Variants in HDAC9 observed in about 807,000 individuals in gnomAD.
The protein encoded by HDAC9 is histone deacetylase 9.
HDAC9 carries 41 observed loss-of-function variants against 139.4 expected under a neutral mutation model. That is an observed-to-expected ratio of 0.29 (90% CI 0.23 to 0.38). HDAC9 has a LOEUF of 0.38. Among genes scored for constraint, HDAC9 ranks in the 10% least tolerant of loss-of-function variants. The probability of loss-of-function intolerance (pLI) is 1.00; values close to 1 mark genes in which losing one functional copy is unlikely to be tolerated. For missense variants in HDAC9, 1,147 were observed against 1,297.0 expected (o/e 0.88, Z 1.78); for synonymous variants, 517 against 476.2 (o/e 1.09, Z -1.12).
At chr7:18,901,207 CATAT>C (rs3085465) in intron 22 of HDAC9, among the ~76,000 whole-genome samples, 69 of 138,858 alleles carry the variant, frequency 5.0e-4, no homozygotes, top group African/African-American at 1.6e-3. Context: ...ACTATATATA[CATAT>C]ATATATATAT....
chr7:18,910,187 C>A (rs529341896), intron 22 of HDAC9, among the ~76,000 whole-genome samples: 60 of 151,992 alleles, frequency 3.9e-4, no homozygotes, highest in Non-Finnish European at 7.4e-4. Context: ...TCATCCAATT[C>A]ATAAACATGG....
At chr7:18,935,739 C>A in intron 22 of HDAC9, 70 bp from the exon 23 acceptor site, 1 of 1,396,454 alleles carries the variant, frequency 7.2e-7, no homozygotes, top group South Asian at 1.2e-5. Flanking sequence ...AATACATGCT[C>A]AATGTTAGAT....
At position 18,238,222 on chromosome 7, in the gene HDAC9, C is replaced by A. The variant is rs534061656; in HGVS notation, c.25+75873C>A. 2.6e-5 allele frequency among the ~76,000 whole-genome samples: 4 copies of A among 152,318 alleles called. No individual in the cohort carries two copies. In the South Asian group the frequency reaches 8.3e-4, roughly 32 times the overall value. On this transcript the variant is annotated intron_variant, in intron 2 of 12. Coordinates refer to the HDAC9 transcript ENST00000417496. Reference sequence around the variant, plus strand: ...TAGTGTGATCCCTTGATTTCTACAGCATTTATAATTTGCAAGGCATTTTAT... The same window carrying A: ...TAGTGTGATCCCTTGATTTCTACAGAATTTATAATTTGCAAGGCATTTTAT...
intron 1 of HDAC9, among the ~76,000 whole-genome samples, chr7:18,120,642 T>C (rs1392068084): frequency 6.6e-6 from 1 of 152,154 alleles, no homozygotes; most frequent in Non-Finnish European, 1.5e-5. Context: ...TTTGGAGATT[T>C]TCAAAAAGTT....
At chr7:18,936,206 C>T (rs542299653) in intron 23 of HDAC9, among the ~76,000 whole-genome samples, 1 of 152,202 alleles carries the variant, frequency 6.6e-6, no homozygotes, top group Middle Eastern at 3.4e-3. Flanking sequence ...CTGACCCAAC[C>T]AATGAGTACG....
intron 15 of HDAC9, among the ~76,000 whole-genome samples, chr7:18,765,276 T>G (rs1451242807): frequency 6.6e-6 from 1 of 152,192 alleles, no homozygotes. Context: ...AGTAGGATAC[T>G]TATTTTGCTA....
chr7:18,989,552 G>T (rs958746030), intron 25 of HDAC9, among the ~76,000 whole-genome samples: 23 of 150,180 alleles, frequency 1.5e-4, no homozygotes, highest in African/African-American at 5.4e-4. Context: ...TCTTCTTGAG[G>T]AGTATCTTTG....
At chr7:18,890,394 G>A (rs1165757513) in intron 22 of HDAC9, among the ~76,000 whole-genome samples, 14 of 152,124 alleles carry the variant, frequency 9.2e-5, no homozygotes, top group Non-Finnish European at 5.9e-5. Flanking sequence ...TACAATACAC[G>A]AGTCATAGAG....
intron 2 of HDAC9, among the ~76,000 whole-genome samples, chr7:18,229,135 C>A (rs1303413470): frequency 6.6e-6 from 1 of 152,172 alleles, no homozygotes; most frequent in Non-Finnish European, 1.5e-5. Context: ...TCACTTCTAA[C>A]CTCATACATA....
At chr7:18,991,433 C>G (rs766529024) in intron 25 of HDAC9, among the ~76,000 whole-genome samples, 1 of 152,120 alleles carries the variant, frequency 6.6e-6, no homozygotes, top group African/African-American at 2.4e-5. Context: ...GAGGTCAGAT[C>G]AAGACCATCC....
chr7:18,846,171 A>G (rs959400184), intron 21 of HDAC9, among the ~76,000 whole-genome samples: 3 of 152,160 alleles, frequency 2.0e-5, no homozygotes, highest in East Asian at 1.9e-4. Flanking sequence ...TTAATTCTCA[A>G]TGTTCTTCTC....
At chr7:18,510,500 T>G (rs1801164194) in intron 2 of HDAC9, among the ~76,000 whole-genome samples, 1 of 152,158 alleles carries the variant, frequency 6.6e-6, no homozygotes, top group African/African-American at 2.4e-5. Flanking sequence ...AGAGACAATT[T>G]TCTTAGATAA....
At chr7:18,128,111 C>T (rs1637634) in intron 1 of HDAC9, among the ~76,000 whole-genome samples, 36,020 of 151,876 alleles carry the variant, frequency 0.24, 6,551 homozygotes, top group African/African-American at 0.51. Flanking sequence ...GCAGACCAGA[C>T]GCTTCTCAGT....
At chr7:18,307,262 T>C (rs1047626859) in intron 1 of HDAC9, among the ~76,000 whole-genome samples, 4 of 152,048 alleles carry the variant, frequency 2.6e-5, no homozygotes, top group African/African-American at 9.7e-5. Flanking sequence ...TCAACAACCA[T>C]GAACATTTAT....
rs1390116195 is a variant in HDAC9 at position 18,140,035 on chromosome 7, A to G, written c.-96-22194A>G. On this transcript the variant is annotated intron_variant, in intron 1 of 12. Coordinates refer to the HDAC9 transcript ENST00000417496. The stretch of plus-strand genomic sequence containing the variant: ...GTGGTCATTTGTTATGGCAGCCACA[A>G]GAAATGAATACAACACTGTGGAGAA... 2.0e-5 allele frequency among the ~76,000 whole-genome samples: 3 copies of G among 152,332 alleles called. 1 individual carries two copies. The highest frequency in any genetic ancestry group is 7.2e-5 in the African/African-American group (3 of 41,594).
chr7:18,929,896 G>A (rs367767964), intron 22 of HDAC9, among the ~76,000 whole-genome samples: 87 of 151,788 alleles, frequency 5.7e-4, no homozygotes, highest in African/African-American at 8.5e-4. Flanking sequence ...CTGAGATCAC[G>A]CCACTGCACT....
At chr7:18,752,372 A>C (rs2129149155) in intron 14 of HDAC9, among the ~76,000 whole-genome samples, 1 of 152,168 alleles carries the variant, frequency 6.6e-6, no homozygotes, top group East Asian at 1.9e-4. Context: ...TCACTTATTC[A>C]CTCGACAGAG....
At chr7:18,167,493 T>A (rs1458831277) in intron 2 of HDAC9, among the ~76,000 whole-genome samples, 1 of 152,160 alleles carries the variant, frequency 6.6e-6, no homozygotes, top group Non-Finnish European at 1.5e-5. Flanking sequence ...ACAAACAAAC[T>A]CCATAATGCA....
chr7:18,705,176 G>A (rs1451100101), intron 12 of HDAC9, among the ~76,000 whole-genome samples: 2 of 152,198 alleles, frequency 1.3e-5, no homozygotes, highest in Admixed American at 6.5e-5. Flanking sequence ...CAACAGGTTA[G>A]AGTAGGATTT....
Sources: allele counts gnomAD v4.1 joint callset (sites outside exome capture counted in the v4.1 genomes callset), GRCh38; gene constraint gnomAD v4.1.1; transcripts MANE v1.5; gene names NCBI Gene and HGNC (gene_info 2026-07-23, HGNC 2026-07-21).